The following IGSF21 variants were observed in gnomAD, a reference collection of about 807,000 sequenced individuals.
IGSF21 encodes immunoglobulin superfamily member 21.
A neutral mutation model predicts 46.8 loss-of-function variants in IGSF21; 28 were observed. The observed-to-expected ratio is 0.60, with a 90% CI of 0.44 to 0.82. The LOEUF is 0.82. Among genes scored for constraint, IGSF21 ranks in the 40% least tolerant of loss-of-function variants. IGSF21 has a pLI of 0.00. For synonymous variants in IGSF21, 284 were observed against 273.6 expected, an observed-to-expected ratio of 1.04 and a Z score of -0.38; for missense variants, 624 against 665.5, an observed-to-expected ratio of 0.94 and a Z score of 0.69.
At chr1:18,158,964 C>G (rs979985609) in intron 1 of IGSF21, among the ~76,000 whole-genome samples, 5 of 152,162 alleles carry the variant, frequency 3.3e-5, no homozygotes, top group African/African-American at 1.2e-4. Flanking sequence ...GAGGGCGATT[C>G]CCTCCCACTC....
chr1:18,315,900 G>A (rs937515811), intron 3 of IGSF21, among the ~76,000 whole-genome samples: 2 of 152,104 alleles, frequency 1.3e-5, no homozygotes, highest in Admixed American at 6.5e-5. Flanking sequence ...TGGATGGGTG[G>A]ATGGATGGAT....
rs2086066390 is a variant in IGSF21 at position 18,359,390 on chromosome 1, G to GAAA, written c.425-2725_425-2724insAAA. ...AGAAAGAAAGAAAGAAAGAAAGGAA[G>GAAA]GAAGGAAGGAAGGAAGGAAGGAAGG... is the stretch of plus-strand genomic sequence containing the variant. On this transcript the variant is annotated intron_variant, in intron 4 of 9. Transcript: ENST00000251296. 1.1e-4 allele frequency among the ~76,000 whole-genome samples: 9 copies of GAAA among 82,366 alleles called. No homozygotes were observed. The South Asian group carries it at 2.4e-3, about 22-fold the overall frequency. 54.0% of individuals were successfully genotyped at this position (82,366 alleles called of 152,430 possible).
intron 1 of IGSF21, chr1:18,112,381 A>G (rs2086152463): frequency 6.6e-6 from 1 of 152,102 alleles, no homozygotes; most frequent in Admixed American, 6.5e-5. Flanking sequence ...TTGATGCTTC[A>G]TTTAGAGGGA....
intron 2 of IGSF21, among the ~76,000 whole-genome samples, chr1:18,286,375 C>T (rs2085212221): frequency 6.6e-6 from 1 of 152,178 alleles, no homozygotes; most frequent in African/African-American, 2.4e-5. Context: ...ATACAGGGCT[C>T]TTGGAGCTTA....
intron 2 of IGSF21, chr1:18,278,856 C>G (rs957713292): frequency 4.2e-6 from 2 of 471,418 alleles, no homozygotes; most frequent in African/African-American, 4.0e-5. Context: ...GCACCCAGCC[C>G]ATGTTCACAT....
chr1:18,201,904 A>T (rs896402025), intron 1 of IGSF21, among the ~76,000 whole-genome samples: 4 of 152,226 alleles, frequency 2.6e-5, no homozygotes, highest in Admixed American at 1.3e-4. Context: ...AATCTTGATT[A>T]AACCCATCTG....
intron 1 of IGSF21, among the ~76,000 whole-genome samples, chr1:18,178,611 C>G (rs879244079): frequency 1.3e-5 from 2 of 152,184 alleles, no homozygotes; most frequent in Admixed American, 1.3e-4. Context: ...TGTTATTATT[C>G]TACGAGCATA....
At chr1:18,319,424 T>A (rs963510390) in intron 3 of IGSF21, among the ~76,000 whole-genome samples, 1 of 152,256 alleles carries the variant, frequency 6.6e-6, no homozygotes, top group East Asian at 1.9e-4. Context: ...GGCAACCATG[T>A]GTCCAGGAAA....
At chr1:18,256,324 G>A (rs1172822426) in intron 2 of IGSF21, among the ~76,000 whole-genome samples, 1 of 152,228 alleles carries the variant, frequency 6.6e-6, no homozygotes, top group African/African-American at 2.4e-5. Flanking sequence ...CTAAATTACA[G>A]CATTTATTAA....
At chr1:18,257,539 C>G (rs2084903404) in intron 2 of IGSF21, among the ~76,000 whole-genome samples, 1 of 152,132 alleles carries the variant, frequency 6.6e-6, no homozygotes, top group South Asian at 2.1e-4. Context: ...CAAGTCATGG[C>G]TGGAGTGGAA....
At chr1:18,225,012 C>A (rs1280058263) in intron 1 of IGSF21, among the ~76,000 whole-genome samples, 1 of 149,958 alleles carries the variant, frequency 6.7e-6, no homozygotes, top group African/African-American at 2.5e-5. Flanking sequence ...CTGCAGTGAG[C>A]CAAGATCACA....
chr1:18,178,242 C>T (rs2086822563), intron 1 of IGSF21, among the ~76,000 whole-genome samples: 1 of 152,196 alleles, frequency 6.6e-6, no homozygotes, highest in South Asian at 2.1e-4. Flanking sequence ...CTTGCCCAAT[C>T]AGATATTCTC....
At chr1:18,375,261 C>T (rs1005331743) in intron 6 of IGSF21, among the ~76,000 whole-genome samples, 1 of 152,228 alleles carries the variant, frequency 6.6e-6, no homozygotes, top group South Asian at 2.1e-4. Context: ...ACCATATCCT[C>T]AGCTCTGCTC....
chr1:18,113,212 T>C (rs1191740865), intron 1 of IGSF21: 1 of 152,044 alleles, frequency 6.6e-6, no homozygotes, highest in Non-Finnish European at 1.5e-5. Flanking sequence ...ACACATGAGA[T>C]CACTTCCTAG....
chr1:18,124,138 C>T lies in IGSF21; in HGVS notation c.70+15940C>T, dbSNP rs1400535725. 2.0e-5 allele frequency among the ~76,000 whole-genome samples: 3 copies of T among 152,216 alleles called. No homozygotes were observed. The East Asian group carries it at 5.8e-4, about 29-fold the overall frequency. On this transcript the variant is annotated intron_variant, in intron 1 of 9. Transcript: ENST00000251296. ...GACAGCCACACTAGTTATAAAGCAG[C>T]CCCTCTCGGCTATATGGATCCAGAG... is the stretch of plus-strand genomic sequence containing the variant.
rs1422908996 is a variant in IGSF21 at position 18,335,347 on chromosome 1, G to A, written c.424+337G>A. 2.0e-5 allele frequency among the ~76,000 whole-genome samples: 3 copies of A among 152,232 alleles called. No homozygotes were observed. The highest frequency in any genetic ancestry group is 7.2e-5 in the African/African-American group (3 of 41,466). On this transcript the variant is annotated intron_variant, in intron 4 of 9. Coordinates refer to ENST00000251296, the MANE Select transcript of IGSF21 (RefSeq NM_032880.5). The surrounding 1 kb of genome is among the most constrained non-coding windows in gnomAD (Gnocchi z 4.8). ...GAACTATTCTGCCCCTCAGCCAAAAGATTCTCCTGCACCTCCTGAGGCCTT... is the reference window on the plus strand; with the variant it reads ...GAACTATTCTGCCCCTCAGCCAAAAAATTCTCCTGCACCTCCTGAGGCCTT...
intron 1 of IGSF21, chr1:18,110,469 C>T (rs1243062654): frequency 6.6e-6 from 1 of 152,296 alleles, no homozygotes; most frequent in East Asian, 1.9e-4. Flanking sequence ...CACCTGCCTC[C>T]GAGGGCGCAG....
intron 1 of IGSF21, among the ~76,000 whole-genome samples, chr1:18,152,803 C>T (rs180988376): frequency 2.0e-5 from 3 of 152,216 alleles, no homozygotes; most frequent in East Asian, 1.9e-4. Flanking sequence ...AACAAGATGC[C>T]GCTTCTTCAC....
intron 3 of IGSF21, among the ~76,000 whole-genome samples, chr1:18,307,053 C>T (rs1388746609): frequency 6.6e-6 from 1 of 152,206 alleles, no homozygotes; most frequent in Non-Finnish European, 1.5e-5. Context: ...GCTGGGCTGA[C>T]ACTCCTAATT....
Sources: gnomAD v4.1 joint callset for allele counts (sites outside exome capture counted in the v4.1 genomes callset) on GRCh38, gnomAD v4.1.1 for gene constraint, Gnocchi (gnomAD v3.1) non-coding constraint, MANE v1.5 for transcripts, NCBI Gene and HGNC (gene_info 2026-07-23, HGNC 2026-07-21) for gene names.